The following PTPRD variants were observed in gnomAD, a reference collection of about 807,000 sequenced individuals.
PTPRD encodes the protein protein tyrosine phosphatase receptor type D.
PTPRD carries 34 observed loss-of-function variants against 214.5 expected under a neutral mutation model. The ratio of observed to expected loss-of-function variants is 0.16; its 90% CI spans 0.12 to 0.21. The LOEUF (loss-of-function observed/expected upper bound fraction) is 0.21. Among genes scored for constraint, PTPRD ranks in the 10% least tolerant of loss-of-function variants. The probability of loss-of-function intolerance (pLI) is 1.00; values close to 1 mark genes in which losing one functional copy is unlikely to be tolerated. For missense variants in PTPRD, 2,545 were observed against 2,398.7 expected (o/e 1.06, Z -1.27); for synonymous variants, 1,128 against 845.7 (o/e 1.33, Z -5.79).
chr9:8,464,825 T>C (rs917751807), intron 32 of PTPRD, among the ~76,000 whole-genome samples: 1 of 151,690 alleles, frequency 6.6e-6, no homozygotes, highest in African/African-American at 2.4e-5. Context: ...GAATTCTCTC[T>C]TTTATTAAAT....
chr9:9,738,095 C>G (rs1012462681), intron 6 of PTPRD, among the ~76,000 whole-genome samples: 1 of 151,664 alleles, frequency 6.6e-6, no homozygotes, highest in Non-Finnish European at 1.5e-5. Context: ...CACACCGGGG[C>G]CTGTTGTGAG....
intron 8 of PTPRD, among the ~76,000 whole-genome samples, chr9:9,560,495 ATCTGTCCACTGCC>A (rs1185261643): frequency 2.0e-5 from 3 of 152,174 alleles, no homozygotes; most frequent in African/African-American, 7.2e-5. Flanking sequence ...CTCACAGGGA[ATCTGTCCACTGCC>A]TCCCATGTTT....
chr9:8,334,682 G>C (rs1587928742), intron 43 of PTPRD, among the ~76,000 whole-genome samples: 1 of 93,936 alleles, frequency 1.1e-5, no homozygotes, highest in East Asian at 2.4e-4. Flanking sequence ...AAATAACTAA[G>C]AACACTACAG....
chr9:9,399,536 G>T (rs1234872186), intron 8 of PTPRD, among the ~76,000 whole-genome samples: 2 of 152,160 alleles, frequency 1.3e-5, no homozygotes, highest in East Asian at 3.9e-4. Context: ...TTTTCAAAGT[G>T]TTCTGATATG....
At chr9:9,626,306 G>T (rs528054438) in intron 7 of PTPRD, among the ~76,000 whole-genome samples, 7 of 152,080 alleles carry the variant, frequency 4.6e-5, no homozygotes, top group African/African-American at 1.7e-4. Context: ...TTATAATGAC[G>T]CTTGCAAAGT....
At chr9:9,710,975 CGTGTGTGTGT>C (rs35078738) in intron 7 of PTPRD, among the ~76,000 whole-genome samples, 19 of 149,390 alleles carry the variant, frequency 1.3e-4, no homozygotes, top group Non-Finnish European at 1.9e-4. Context: ...CGAGAGAGAG[CGTGTGTGTGT>C]GTGTGTGTGT....
intron 11 of PTPRD, among the ~76,000 whole-genome samples, chr9:8,799,930 T>A (rs1010173958): frequency 6.6e-6 from 1 of 152,016 alleles, no homozygotes; most frequent in Non-Finnish European, 1.5e-5. Flanking sequence ...AAACTTTTTG[T>A]TTTCAGGCAA....
Position 8,832,410 on chromosome 9 carries a change from C to CTTTTTTTTTTTTTTTTTTTTTTTTTTTTT in PTPRD, c.-103-98465_-103-98464insAAAAAAAAAAAAAAAAAAAAAAAAAAAAA, listed in dbSNP as rs5896262. 1.6e-5 allele frequency among the ~76,000 whole-genome samples: 2 copies of CTTTTTTTTTTTTTTTTTTTTTTTTTTTTT among 127,970 alleles called. 1 individual carries two copies. The highest frequency in any genetic ancestry group is 5.9e-5 in the African/African-American group (2 of 34,060). 84.0% of individuals were successfully genotyped at this position (127,970 alleles called of 152,430 possible). ...TAAAGCAAGGGGCAGCTAAAATCATCTTTTTTTTTTTTTTTTTTTGTCAAA... is the reference window on the plus strand; with the variant it reads ...TAAAGCAAGGGGCAGCTAAAATCATCTTTTTTTTTTTTTTTTTTTTTTTTTTTTTTTTTTTTTTTTTTTTTTTTGTCAAA... On this transcript the variant is annotated intron_variant, in intron 11 of 45. Coordinates refer to ENST00000381196, the MANE Select transcript of PTPRD (RefSeq NM_002839.4).
At chr9:10,589,657 A>C (rs2074916143) in intron 2 of PTPRD, among the ~76,000 whole-genome samples, 1 of 152,070 alleles carries the variant, frequency 6.6e-6, no homozygotes, top group Non-Finnish European at 1.5e-5. Flanking sequence ...AAAACCTTTG[A>C]CCCAGCAAAT....
chr9:10,563,939 A>T (rs2131622316), intron 2 of PTPRD, among the ~76,000 whole-genome samples: 1 of 151,910 alleles, frequency 6.6e-6, no homozygotes, highest in Non-Finnish European at 1.5e-5. Context: ...TAGAAAAGAC[A>T]TACTCTACAG....
chr9:9,429,891 G>A (rs1179184734), intron 8 of PTPRD, among the ~76,000 whole-genome samples: 2 of 152,118 alleles, frequency 1.3e-5, no homozygotes, highest in Admixed American at 1.3e-4. Flanking sequence ...AGGTATTGAT[G>A]GAATGTATCT....
chr9:8,816,576 C>T (rs1462561630), intron 11 of PTPRD, among the ~76,000 whole-genome samples: 1 of 152,174 alleles, frequency 6.6e-6, no homozygotes, highest in Non-Finnish European at 1.5e-5. Context: ...ACCAATCAAG[C>T]TTCTTCACAA....
At chr9:9,937,362 GCTCC>G (rs2153956090) in intron 5 of PTPRD, among the ~76,000 whole-genome samples, 1 of 127,270 alleles carries the variant, frequency 7.9e-6, no homozygotes, top group Admixed American at 8.8e-5. Context: ...ATATATGCCT[GCTCC>G]TTCTTTCATG....
intron 37 of PTPRD, among the ~76,000 whole-genome samples, chr9:8,388,160 T>C (rs1045361736): frequency 6.6e-6 from 1 of 152,234 alleles, no homozygotes; most frequent in Non-Finnish European, 1.5e-5. Flanking sequence ...AATATGTTTC[T>C]GTCTGAGCTT....
Position 9,689,674 on chromosome 9 carries a change from C to G in PTPRD, c.-287+44859G>C, listed in dbSNP as rs140409261. Among the ~76,000 whole-genome samples the G allele has an allele frequency of 2.4e-3, 372 of 152,020 alleles. 1 individual carries two copies. Among genetic ancestry groups the G allele is most frequent in the African/African-American group, 8.5e-3 (355 of 41,544 alleles). ...ACTCTTCATGGCCTCTGCTAACCAG[C>G]AATATACTCTCTAGCTTCTTGAGAT... On this transcript the variant is annotated intron_variant, in intron 7 of 45. Transcript: ENST00000381196.
intron 9 of PTPRD, among the ~76,000 whole-genome samples, chr9:9,220,310 C>CTTTTTT (rs57322129): frequency 0.036 from 4,199 of 117,778 alleles, 186 homozygotes; most frequent in African/African-American, 0.1. Flanking sequence ...CTTGCTTTTG[C>CTTTTTT]TTTTTTTTTA....
chr9:10,511,149 G>A (rs1413882500), intron 2 of PTPRD, among the ~76,000 whole-genome samples: 1 of 152,124 alleles, frequency 6.6e-6, no homozygotes, highest in Non-Finnish European at 1.5e-5. Context: ...GTGTATATCA[G>A]AGGTTATTTA....
chr9:8,674,456 C>CAAAAA (rs57588808), intron 12 of PTPRD, among the ~76,000 whole-genome samples: 1 of 62,332 alleles, frequency 1.6e-5, no homozygotes, highest in African/African-American at 6.5e-5. Flanking sequence ...GACGCTGTCT[C>CAAAAA]AAAAAAAAAA....
At chr9:8,919,898 A>ATGCATGTATCATGCATACATAGATGTACG (rs2098814645) in intron 11 of PTPRD, among the ~76,000 whole-genome samples, 1 of 151,898 alleles carries the variant, frequency 6.6e-6, no homozygotes, top group Non-Finnish European at 1.5e-5. Flanking sequence ...ATAGATGTAC[A>ATGCATGTATCATGCATACATAGATGTACG]TGCATGTATG....
Sources: gnomAD v4.1 joint callset for allele counts (sites outside exome capture counted in the v4.1 genomes callset) on GRCh38, gnomAD v4.1.1 for gene constraint, MANE v1.5 for transcripts, NCBI Gene and HGNC (gene_info 2026-07-23, HGNC 2026-07-21) for gene names.